MTIF3: variants seen among roughly 807,000 people sequenced by gnomAD.
MTIF3 encodes translation initiation factor IF-3, mitochondrial.
A neutral mutation model predicts 20.7 loss-of-function variants in MTIF3; 13 were observed. That is an observed-to-expected ratio of 0.63 (90% CI 0.41 to 1.00). The LOEUF is 1.00. MTIF3 is among the 50% of genes least tolerant of loss of function. The pLI is 0.00. For synonymous variants in MTIF3, 114 were observed against 112.5 expected (o/e 1.01, Z -0.08); for missense variants, 295 against 324.5 (o/e 0.91, Z 0.70).
At chr13:27,448,755 C>G (rs1340818105) in intron 1 of MTIF3, among the ~76,000 whole-genome samples, 1 of 152,196 alleles carries the variant, frequency 6.6e-6, no homozygotes, top group Admixed American at 6.5e-5. Context: ...ACTGGACTTA[C>G]GGCCGGGCAC....
intron 1 of MTIF3, among the ~76,000 whole-genome samples, chr13:27,446,097 C>T (rs1039804082): frequency 6.6e-6 from 1 of 151,962 alleles, no homozygotes; most frequent in Non-Finnish European, 1.5e-5. Context: ...CACTCTGTCA[C>T]CCAGACTGGA....
Position 27,435,656 on chromosome 13 carries a change from A to T in MTIF3, c.*19T>A, listed in dbSNP as rs1468331373. 5.0e-6 allele frequency: 8 copies of T among 1,612,776 alleles called. No homozygotes were observed. The Admixed American group carries it at 1.0e-4, about 20-fold the overall frequency. On this transcript the variant is annotated 3_prime_UTR_variant, in exon 5 of 5. Coordinates refer to ENST00000381120, the MANE Select transcript of MTIF3 (RefSeq NM_152912.5). The stretch of plus-strand genomic sequence containing the variant: ...CAAGGAGCGAGCTTTCTCTCAGAGC[A>T]TGCTTTTCTTTATTAAAATTACTGA...
chr13:27,439,450 C>T lies in MTIF3; in HGVS notation c.460+539G>A, dbSNP rs140235671. On this transcript the variant is annotated intron_variant, in intron 3 of 4. Coordinates refer to ENST00000381120, the MANE Select transcript of MTIF3 (RefSeq NM_152912.5). ...GGCGAAGGTTGCAGTGAGCACACAT[C>T]GCACCACTGCACTCCAGCCTGGGCG... 4.9e-3 allele frequency among the ~76,000 whole-genome samples: 750 copies of T among 152,250 alleles called. 3 individuals are homozygous for T. Among genetic ancestry groups the T allele is most frequent in the Non-Finnish European group, 8.1e-3 (553 of 68,020 alleles).
At chr13:27,446,436 C>G (rs1248017934) in intron 1 of MTIF3, among the ~76,000 whole-genome samples, 2 of 152,220 alleles carry the variant, frequency 1.3e-5, no homozygotes, top group Non-Finnish European at 2.9e-5. Flanking sequence ...TGACATCTAT[C>G]ACTTGCTTTG....
intron 2 of MTIF3, among the ~76,000 whole-genome samples, chr13:27,442,697 G>A (rs1240774105): frequency 6.6e-6 from 1 of 152,100 alleles, no homozygotes; most frequent in Non-Finnish European, 1.5e-5. Context: ...TCTTCCCTCA[G>A]ATAGCCTCAT....
At chr13:27,443,136 A>C (rs1954059470) in intron 2 of MTIF3, among the ~76,000 whole-genome samples, 1 of 152,232 alleles carries the variant, frequency 6.6e-6, no homozygotes. Flanking sequence ...CCCGTCAGTA[A>C]TGGTGAGTAT....
chr13:27,438,483 G>GTTTTTTTTTTT (rs61052475), intron 3 of MTIF3, among the ~76,000 whole-genome samples: 1 of 107,172 alleles, frequency 9.3e-6, no homozygotes, highest in Admixed American at 1.1e-4. Context: ...GAGCAAGACT[G>GTTTTTTTTTTT]TTTTTTTTTT....
At chr13:27,446,134 G>T (rs1185620500) in intron 1 of MTIF3, among the ~76,000 whole-genome samples, 2 of 151,994 alleles carry the variant, frequency 1.3e-5, no homozygotes. Flanking sequence ...TCGGCTCACT[G>T]CAACCTCCGC....
At chr13:27,449,711 A>G (rs1954296519) in intron 1 of MTIF3, 1 of 152,410 alleles carries the variant, frequency 6.6e-6, no homozygotes, top group Middle Eastern at 3.4e-3. Flanking sequence ...CTCCATCACT[A>G]GACCGTAAAC....
chr13:27,444,613 C>CT (rs1187975589), intron 2 of MTIF3, among the ~76,000 whole-genome samples: 3 of 152,106 alleles, frequency 2.0e-5, no homozygotes, highest in Non-Finnish European at 4.4e-5. Context: ...TATTAGGGAA[C>CT]TTTTTAACCT....
Position 27,437,260 on chromosome 13 carries a change from T to C in MTIF3, c.474A>G (p.Arg158=). The change falls in exon 4 of 5, where the codon AGA becomes AGG. Residue 158 remains arginine (R), a synonymous_variant. Transcript: ENST00000381120. ...KANPKTGPTL[R]KELILSSNIG... ...TATTTGAAGACAAAATCAGTTCCTTTCTCAGGGTTGGTCCTGGTTTGAAAC... is the reference window on the plus strand; with the variant it reads ...TATTTGAAGACAAAATCAGTTCCTTCCTCAGGGTTGGTCCTGGTTTGAAAC... The C allele has an allele frequency of 6.2e-7, 1 of 1,613,582 alleles. No homozygotes were observed. The highest frequency in any genetic ancestry group is 8.5e-7 in the Non-Finnish European group (1 of 1,179,994).
At chr13:27,437,999 C>T (rs180856357) in intron 3 of MTIF3, among the ~76,000 whole-genome samples, 2 of 152,002 alleles carry the variant, frequency 1.3e-5, no homozygotes, top group Admixed American at 6.5e-5. Context: ...CCCTATAAAT[C>T]GGAGAAAAAC....
chr13:27,438,128 A>G (rs9581850), intron 3 of MTIF3, among the ~76,000 whole-genome samples: 20,085 of 152,030 alleles, frequency 0.13, 1,715 homozygotes, highest in Non-Finnish European at 0.18. Context: ...GAAACTGCAT[A>G]CACTGCTGCT....
chr13:27,440,010 C>G lies in MTIF3; in HGVS notation c.439G>C (p.Glu147Gln), dbSNP rs777677505. Residue 147 changes from glutamate (E) to glutamine (Q), a missense_variant, in exon 3 of 5, where the codon GAG (glutamate) becomes CAG (glutamine). Glu to Gln is a conservative substitution (Grantham distance 29, BLOSUM62 2). Coordinates refer to ENST00000381120, the MANE Select transcript of MTIF3 (RefSeq NM_152912.5). Reference sequence around the variant, plus strand: ...CTACCAGTTTTGGGGTTCGCCTTCTCCATCTCCCTCAGCCTCTGCCGCTCC... The same window carrying G: ...CTACCAGTTTTGGGGTTCGCCTTCTGCATCTCCCTCAGCCTCTGCCGCTCC... Reference protein sequence around the residue: ...LQERQRLREMEKANPKTGPTL... With the variant: ...LQERQRLREMQKANPKTGPTL... The G allele has an allele frequency of 8.7e-6, 14 of 1,613,728 alleles. No homozygotes were observed. Among genetic ancestry groups the G allele is most frequent in the Non-Finnish European group, 1.0e-5 (12 of 1,179,754 alleles).
At chr13:27,438,775 C>T (rs200473568) in intron 3 of MTIF3, among the ~76,000 whole-genome samples, 4 of 151,750 alleles carry the variant, frequency 2.6e-5, no homozygotes, top group African/African-American at 4.8e-5. Flanking sequence ...GGATTACAGA[C>T]GTGAGCCACC....
intron 2 of MTIF3, 155 bp from the exon 3 acceptor site, chr13:27,440,604 G>T (rs971588651): frequency 1.6e-6 from 1 of 644,410 alleles, no homozygotes; most frequent in African/African-American, 1.8e-5. Context: ...CCACACACAG[G>T]AAGTCTACAC....
intron 3 of MTIF3, among the ~76,000 whole-genome samples, chr13:27,439,198 C>T (rs1343175784): frequency 2.0e-5 from 3 of 152,146 alleles, no homozygotes; most frequent in South Asian, 2.1e-4. Context: ...ACTTCAGAGT[C>T]GAAAAGGTGC....
chr13:27,440,690 G>C (rs1013767306), intron 2 of MTIF3, among the ~76,000 whole-genome samples: 16 of 151,036 alleles, frequency 1.1e-4, no homozygotes, highest in Non-Finnish European at 1.9e-4. Context: ...GTGGCTATTA[G>C]AATAAACCAG....
chr13:27,447,010 C>A (rs1201010916), intron 1 of MTIF3, among the ~76,000 whole-genome samples: 1 of 151,906 alleles, frequency 6.6e-6, no homozygotes, highest in East Asian at 1.9e-4. Flanking sequence ...AAGAATAAAA[C>A]AAATGGTGAT....
Sources: gnomAD v4.1 joint callset for allele counts (sites outside exome capture counted in the v4.1 genomes callset) on GRCh38, gnomAD v4.1.1 for gene constraint, MANE v1.5 for transcripts, NCBI Gene and HGNC (gene_info 2026-07-23, HGNC 2026-07-21) for gene names.